Variants in MBNL2 observed in about 807,000 individuals in gnomAD.
MBNL2 encodes muscleblind like splicing regulator 2.
MBNL2 carries 17 observed loss-of-function variants against 41.9 expected under a neutral mutation model. That is an observed-to-expected ratio of 0.41 (90% CI 0.28 to 0.61). The LOEUF (loss-of-function observed/expected upper bound fraction) is 0.61, where lower values mean the gene tolerates loss of function less well. Ranked by LOEUF, MBNL2 falls within the 20% of genes least tolerant of loss-of-function variation. MBNL2 has a pLI of 0.35. For missense variants in MBNL2, 336 were observed against 505.6 expected, an observed-to-expected ratio of 0.66 and a Z score of 3.22; for synonymous variants, 195 against 182.9, an observed-to-expected ratio of 1.07 and a Z score of -0.53.
chr13:97,351,163 G>A (rs2062413035), intron 5 of MBNL2, among the ~76,000 whole-genome samples: 1 of 152,200 alleles, frequency 6.6e-6, no homozygotes, highest in Non-Finnish European at 1.5e-5. Context: ...CATTGTCAAT[G>A]AGCAGTAATA....
intron 2 of MBNL2, among the ~76,000 whole-genome samples, chr13:97,284,138 C>G (rs1455211846): frequency 6.6e-6 from 1 of 152,226 alleles, no homozygotes; most frequent in Non-Finnish European, 1.5e-5. Context: ...TGGTTTAAAA[C>G]ACCTGAAATG....
At chr13:97,173,809 C>A in the MBNL2 span, among the ~76,000 whole-genome samples, 1 of 152,308 alleles carries the variant, frequency 6.6e-6, no homozygotes, top group Admixed American at 6.5e-5. Context: ...CGCCTTCTAT[C>A]TTTGCCTGGC....
At chr13:97,287,918 G>GTTTTTTTTTTTTTTTTTTT (rs11423615) in intron 2 of MBNL2, among the ~76,000 whole-genome samples, 3 of 124,626 alleles carry the variant, frequency 2.4e-5, no homozygotes, top group African/African-American at 1.0e-4. Flanking sequence ...CTAATTTTCT[G>GTTTTTTTTTTTTTTTTTTT]TTTTTTTTTT....
At chr13:97,177,889 G>A in the MBNL2 span, among the ~76,000 whole-genome samples, 1 of 152,158 alleles carries the variant, frequency 6.6e-6, no homozygotes, top group Non-Finnish European at 1.5e-5. Flanking sequence ...TCAAATTGTG[G>A]TAGAAAATGA....
chr13:97,269,422 C>A (rs2050479629), intron 1 of MBNL2, among the ~76,000 whole-genome samples: 1 of 152,240 alleles, frequency 6.6e-6, no homozygotes, highest in Admixed American at 6.5e-5. Context: ...TCTGGAGGTG[C>A]CCTCTCCAGA....
the MBNL2 span, among the ~76,000 whole-genome samples, chr13:97,209,822 A>T: frequency 0.029 from 4,420 of 152,292 alleles, 95 homozygotes; most frequent in Middle Eastern, 0.088. Flanking sequence ...TTGAGGCAAG[A>T]TCTTGCTCTG....
At position 97,393,932 on chromosome 13, in the gene MBNL2, A is replaced by G. The variant is rs1292644399; in HGVS notation, c.*2483A>G. ...TCAGGATATAACAGCACTTCACCGA[A>G]ATATTCTTTCAGCCATACCACTGGT... On this transcript the variant is annotated 3_prime_UTR_variant, in exon 9 of 9. Transcript: ENST00000679496. 1 of 152,582 alleles carries G rather than the reference A, an allele frequency of 6.6e-6. No homozygotes were observed. Among genetic ancestry groups the G allele is most frequent in the African/African-American group, 2.4e-5 (1 of 41,460 alleles). 9.5% of individuals were successfully genotyped at this position (152,582 alleles called of 1,614,324 possible).
At chr13:97,148,262 C>G in the MBNL2 span, among the ~76,000 whole-genome samples, 1 of 152,032 alleles carries the variant, frequency 6.6e-6, no homozygotes. Context: ...CTCTGCATTT[C>G]TTAGCTGAGA....
chr13:97,307,832 G>C (rs1351852364), intron 2 of MBNL2, among the ~76,000 whole-genome samples: 1 of 152,214 alleles, frequency 6.6e-6, no homozygotes, highest in Non-Finnish European at 1.5e-5. Flanking sequence ...CAAGTGCCAA[G>C]ATAGTGACTC....
chr13:97,374,453 G>A (rs535456290), intron 8 of MBNL2, among the ~76,000 whole-genome samples: 1 of 151,308 alleles, frequency 6.6e-6, no homozygotes, highest in Non-Finnish European at 1.5e-5. Context: ...GGCCGCAGTG[G>A]TGCAATCTTG....
the MBNL2 span, among the ~76,000 whole-genome samples, chr13:97,168,430 TAAAAG>T: frequency 1.3e-5 from 2 of 152,196 alleles, no homozygotes; most frequent in African/African-American, 4.8e-5. Flanking sequence ...ATTATATAAA[TAAAAG>T]AGAATATTGT....
chr13:97,254,233 CTGAG>C (rs989709104), intron 1 of MBNL2, among the ~76,000 whole-genome samples: 12 of 152,140 alleles, frequency 7.9e-5, no homozygotes, highest in African/African-American at 2.9e-4. Context: ...TTAAATGCTG[CTGAG>C]TAAGAAGCAT....
chr13:97,247,737 A>G (rs1367660710), intron 1 of MBNL2, among the ~76,000 whole-genome samples: 3 of 152,160 alleles, frequency 2.0e-5, no homozygotes, highest in Non-Finnish European at 4.4e-5. Context: ...CATATTTTAA[A>G]TCACATTCTA....
chr13:97,375,615 C>A (rs149539763), intron 8 of MBNL2, among the ~76,000 whole-genome samples: 9 of 152,178 alleles, frequency 5.9e-5, no homozygotes, highest in African/African-American at 1.9e-4. Flanking sequence ...TTAAACCCAC[C>A]GGGACTCTGT....
At position 97,267,006 on chromosome 13, in the gene MBNL2, T is replaced by A. The variant is rs114443097; in HGVS notation, c.-604-8626T>A. On this transcript the variant is annotated intron_variant, in intron 1 of 8. Transcript: ENST00000679496. ...CCGAAAGTAAACTGGAGGAACTGTG[T>A]GCTGCAGAATTATTTCCCTTAAGGT... Among the ~76,000 whole-genome samples the A allele has an allele frequency of 9.3e-3, 1,416 of 152,314 alleles. 29 individuals carry two copies. Among genetic ancestry groups the A allele is most frequent in the African/African-American group, 0.032 (1,321 of 41,564 alleles).
At chr13:97,343,616 C>T (rs1042817356) in intron 4 of MBNL2, among the ~76,000 whole-genome samples, 7 of 152,152 alleles carry the variant, frequency 4.6e-5, no homozygotes, top group African/African-American at 1.4e-4. Context: ...GCCCAGCAAC[C>T]AGGGCAGCCG....
intron 2 of MBNL2, among the ~76,000 whole-genome samples, chr13:97,292,233 G>A (rs891940260): frequency 6.7e-6 from 1 of 148,656 alleles, no homozygotes; most frequent in East Asian, 2.0e-4. Flanking sequence ...GTGATTGCTC[G>A]AAGAGGGAAC....
At chr13:97,316,464 A>G (rs1253874624) in intron 2 of MBNL2, among the ~76,000 whole-genome samples, 1 of 152,234 alleles carries the variant, frequency 6.6e-6, no homozygotes, top group Non-Finnish European at 1.5e-5. Flanking sequence ...ACAAGTTCTT[A>G]CAATGGCCTG....
At chr13:97,240,327 A>G (rs2044033884) in intron 1 of MBNL2, among the ~76,000 whole-genome samples, 1 of 152,176 alleles carries the variant, frequency 6.6e-6, no homozygotes, top group South Asian at 2.1e-4. Context: ...ATCGATTTGA[A>G]TCTCAGTTTT....
Sources: gnomAD v4.1 joint callset for allele counts (sites outside exome capture counted in the v4.1 genomes callset) on GRCh38, gnomAD v4.1.1 for gene constraint, MANE v1.5 for transcripts, NCBI Gene and HGNC (gene_info 2026-07-23, HGNC 2026-07-21) for gene names.